The following CDK13 variants were observed in gnomAD, a reference collection of about 807,000 sequenced individuals.
CDK13 encodes cyclin dependent kinase 13.
A neutral mutation model predicts 137.6 loss-of-function variants in CDK13; 40 were observed. The ratio of observed to expected loss-of-function variants is 0.29; its 90% CI spans 0.23 to 0.38. CDK13 has a LOEUF of 0.38. Among genes scored for constraint, CDK13 ranks in the 10% least tolerant of loss-of-function variants. The probability of loss-of-function intolerance (pLI) is 1.00; values close to 1 mark genes in which losing one functional copy is unlikely to be tolerated. For synonymous variants in CDK13, 869 were observed against 760.1 expected, an observed-to-expected ratio of 1.14 and a Z score of -2.36; for missense variants, 1,704 against 1,951.8, an observed-to-expected ratio of 0.87 and a Z score of 2.39.
chr7:40,065,193 T>C (rs1030418571), intron 9 of CDK13, among the ~76,000 whole-genome samples: 3 of 152,046 alleles, frequency 2.0e-5, no homozygotes, highest in African/African-American at 7.2e-5. Flanking sequence ...GTTAGTTATA[T>C]ATTAATAGAG....
In CDK13 at chr7:39,987,711, A is replaced by C. The variant is rs746924851; in HGVS notation, c.1324A>C (p.Thr442Pro). Residue 442 changes from threonine (T) to proline (P), a missense_variant, in exon 2 of 14, where the codon ACA becomes CCA. Physicochemically the swap from Thr to Pro is conservative, Grantham distance 38. Around this residue, in one of 5 missense-constraint regions of CDK13, gnomAD observed 1,051 missense variants for 931.0 expected, o/e 1.13. Transcript: ENST00000181839. ...RSRHSSISPS[T>P]LTLKSSLAAE... ...TCGTCATTCTAGTATTTCTCCTAGC[A>C]CACTAACTCTGAAGAGTAGCCTGGC... is the stretch of plus-strand genomic sequence containing the variant. The C allele has an allele frequency of 1.2e-6, 2 of 1,614,156 alleles. No homozygotes were observed. Among genetic ancestry groups the C allele is most frequent in the Non-Finnish European group, 1.7e-6 (2 of 1,180,026 alleles).
At chr7:40,072,436 A>T (rs1329990901) in intron 9 of CDK13, 1 of 152,208 alleles carries the variant, frequency 6.6e-6, no homozygotes. Flanking sequence ...TAACAAGTAC[A>T]TTCTTAAGTG....
intron 5 of CDK13, among the ~76,000 whole-genome samples, chr7:40,020,662 T>G (rs1378564836): frequency 6.6e-6 from 1 of 152,256 alleles, no homozygotes; most frequent in Non-Finnish European, 1.5e-5. Flanking sequence ...AATGGAATAT[T>G]CATAATTAAG....
Position 39,992,067 on chromosome 7 carries a change from T to C in CDK13, c.1871+3809T>C, listed in dbSNP as rs1342215352. Reference sequence around the variant, plus strand: ...ACCCTGTCTCAAAAAAAGGAAAAAATTATACACACACACACACACACACAC... The same window carrying C: ...ACCCTGTCTCAAAAAAAGGAAAAAACTATACACACACACACACACACACAC... On this transcript the variant is annotated intron_variant, in intron 2 of 13. Coordinates refer to ENST00000181839, the MANE Select transcript of CDK13 (RefSeq NM_003718.5). Among the ~76,000 whole-genome samples the C allele has an allele frequency of 2.8e-5, 3 of 107,224 alleles. No homozygotes were observed. In the Admixed American group the frequency reaches 3.2e-4, roughly 11 times the overall value. The allele number at this position is 107,224 out of a possible 152,430, so 70.3% of individuals were successfully genotyped here.
At chr7:40,060,509 A>C (rs1786117961) in intron 7 of CDK13, among the ~76,000 whole-genome samples, 1 of 152,168 alleles carries the variant, frequency 6.6e-6, no homozygotes, top group South Asian at 2.1e-4. Context: ...GTTAGAGGGC[A>C]ATATACATTA....
chr7:39,998,073 C>T (rs1784601049), intron 3 of CDK13: 1 of 162,684 alleles, frequency 6.1e-6, no homozygotes, highest in Non-Finnish European at 1.3e-5. Flanking sequence ...CAAATATATT[C>T]TTCACTTTGC....
chr7:40,080,410 A>G (rs1462461268), intron 11 of CDK13, among the ~76,000 whole-genome samples: 1 of 152,192 alleles, frequency 6.6e-6, no homozygotes, highest in Admixed American at 6.5e-5. Context: ...TGGGCTCTGG[A>G]GTTCAAATCC....
chr7:39,983,436 A>G (rs1784272273), intron 1 of CDK13, among the ~76,000 whole-genome samples: 1 of 152,210 alleles, frequency 6.6e-6, no homozygotes, highest in Non-Finnish European at 1.5e-5. Flanking sequence ...ATATCTTTAT[A>G]TAGAACAAAA....
chr7:40,086,809 CTTTTTTTTTTTT>C (rs35337864), intron 11 of CDK13, among the ~76,000 whole-genome samples: 2 of 122,486 alleles, frequency 1.6e-5, no homozygotes, highest in Admixed American at 9.1e-5. Context: ...TAGCCTTACT[CTTTTTTTTTTTT>C]TTTTTTTTTG....
At chr7:39,955,712 A>G (rs775868461) in intron 1 of CDK13, among the ~76,000 whole-genome samples, 3 of 152,136 alleles carry the variant, frequency 2.0e-5, no homozygotes, top group Admixed American at 6.5e-5. Flanking sequence ...AATTGGGTTT[A>G]AATCTTGTGG....
intron 5 of CDK13, among the ~76,000 whole-genome samples, chr7:40,021,103 GTATATATATATATA>G (rs146480658): frequency 9.2e-4 from 39 of 42,564 alleles, no homozygotes; most frequent in Non-Finnish European, 3.0e-3. Context: ...GCAAACAAAC[GTATATATATATATA>G]TATATACACA....
Position 39,987,879 on chromosome 7 carries a change from G to T in CDK13, c.1492G>T (p.Gly498Trp), listed in dbSNP as rs1201760578. 27 of 1,614,170 alleles carry T rather than the reference G, an allele frequency of 1.7e-5. No individual in the cohort carries two copies. Among genetic ancestry groups the T allele is most frequent in the Non-Finnish European group, 2.3e-5 (27 of 1,180,036 alleles). Reference protein sequence around the residue: ...KASNTSTPTKGNTETSASASQ... With the variant: ...KASNTSTPTKWNTETSASASQ... ...TTCAAACACTTCTACACCTACCAAGGGGAACACGGAAACTAGTGCCAGTGC... is the reference window on the plus strand; with the variant it reads ...TTCAAACACTTCTACACCTACCAAGTGGAACACGGAAACTAGTGCCAGTGC... Residue 498 changes from glycine (G) to tryptophan (W), a missense_variant, in exon 2 of 14, where the codon GGG becomes TGG. This residue lies in a region of CDK13 where 1,051 missense variants were observed against 931.0 expected (regional missense o/e 1.13). Transcript: ENST00000181839.
chr7:40,041,470 C>T (rs1034500538), intron 5 of CDK13, among the ~76,000 whole-genome samples: 8 of 152,102 alleles, frequency 5.3e-5, no homozygotes, highest in Non-Finnish European at 1.0e-4. Flanking sequence ...GTTTTGCACT[C>T]ATAGCATTTT....
intron 9 of CDK13, among the ~76,000 whole-genome samples, chr7:40,074,350 G>GT (rs1786493252): frequency 6.6e-6 from 1 of 151,960 alleles, no homozygotes; most frequent in Non-Finnish European, 1.5e-5. Flanking sequence ...GTGAAACCCT[G>GT]TCTCTACTAA....
Position 39,991,352 on chromosome 7 carries a change from G to C in CDK13, c.1871+3094G>C, listed in dbSNP as rs1784451220. 2.0e-5 allele frequency among the ~76,000 whole-genome samples: 3 copies of C among 152,278 alleles called. No individual in the cohort carries two copies. In the South Asian group the frequency reaches 6.2e-4, roughly 32 times the overall value. ...TAAATGTAAAGATCACTTTAAAGAA[G>C]AGTGAGTAATGGTCTGCATAATCTC... On this transcript the variant is annotated intron_variant, in intron 2 of 13. Coordinates refer to ENST00000181839, the MANE Select transcript of CDK13 (RefSeq NM_003718.5).
rs190496689 is a variant in CDK13 at position 40,056,980 on chromosome 7, C to T, written c.2601-5846C>T. 4.5e-4 allele frequency among the ~76,000 whole-genome samples: 69 copies of T among 152,272 alleles called. No individual in the cohort carries two copies. The East Asian group carries it at 0.012, about 27-fold the overall frequency. ...TTAATAATCTTGAGTGGTGGCTGGG[C>T]GTGGTGGCTCACGCCTGTAATCCCA... On this transcript the variant is annotated intron_variant, in intron 7 of 13. Coordinates refer to ENST00000181839, the MANE Select transcript of CDK13 (RefSeq NM_003718.5).
At chr7:40,029,727 A>G (rs1333930557) in intron 5 of CDK13, among the ~76,000 whole-genome samples, 1 of 151,314 alleles carries the variant, frequency 6.6e-6, no homozygotes. Flanking sequence ...ATCTTGGCTC[A>G]CCACAACCTC....
At chr7:39,952,611 A>G (rs1787266849) in intron 1 of CDK13, 1 of 152,212 alleles carries the variant, frequency 6.6e-6, no homozygotes, top group Admixed American at 6.5e-5. Context: ...GGTGTAACCT[A>G]GTGTAACCAA....
intron 12 of CDK13, among the ~76,000 whole-genome samples, chr7:40,089,233 G>A (rs1008371012): frequency 1.3e-5 from 2 of 151,052 alleles, no homozygotes; most frequent in African/African-American, 4.9e-5. Context: ...CCATGAGTTC[G>A]AGACCAGCCC....
Sources: gnomAD v4.1 joint callset for allele counts (sites outside exome capture counted in the v4.1 genomes callset) on GRCh38, gnomAD v4.1.1 for gene constraint, gnomAD v4.1.1 regional missense constraint, MANE v1.5 for transcripts, NCBI Gene and HGNC (gene_info 2026-07-23, HGNC 2026-07-21) for gene names.